SAMD5: variants seen among roughly 807,000 people sequenced by gnomAD.
The protein encoded by SAMD5 is sterile alpha motif domain-containing protein 5.
SAMD5 carries 13 observed loss-of-function variants against 11.3 expected under a neutral mutation model. The ratio of observed to expected loss-of-function variants is 1.15; its 90% CI spans 0.75 to 1.83. SAMD5 has a LOEUF of 1.83. Ranked by LOEUF, SAMD5 falls within the 40% of genes most tolerant of loss-of-function variation. The pLI is 0.00. For missense variants in SAMD5, 255 were observed against 239.1 expected (o/e 1.07, Z -0.44); for synonymous variants, 129 against 111.3 (o/e 1.16, Z -1.00).
intron 1 of SAMD5, among the ~76,000 whole-genome samples, chr6:147,735,270 C>G (rs911949078): frequency 1.4e-4 from 22 of 152,128 alleles, no homozygotes; most frequent in African/African-American, 5.3e-4. Context: ...GTTTTGATTA[C>G]TTGGTATTTA....
chr6:147,595,899 G>A (rs1258505933), intron 1 of SAMD5, among the ~76,000 whole-genome samples: 4 of 152,132 alleles, frequency 2.6e-5, no homozygotes, highest in Non-Finnish European at 4.4e-5. Flanking sequence ...CTGGAAAATA[G>A]TGATAACAGG....
chr6:147,656,282 G>A (rs570275629), intron 1 of SAMD5, among the ~76,000 whole-genome samples: 1 of 152,114 alleles, frequency 6.6e-6, no homozygotes, highest in Non-Finnish European at 1.5e-5. Flanking sequence ...AACACAGAGA[G>A]ACTTTCTACT....
At chr6:147,575,842 C>T (rs950022351) in intron 1 of SAMD5, among the ~76,000 whole-genome samples, 2 of 152,160 alleles carry the variant, frequency 1.3e-5, no homozygotes, top group African/African-American at 4.8e-5. Context: ...CATGGAGCTC[C>T]CTGGCTCATG....
At position 147,603,814 on chromosome 6, in the gene SAMD5, AAAC is replaced by A. The variant is rs1251254813; in HGVS notation, c.162+94430_162+94432del. Among the ~76,000 whole-genome samples the A allele has an allele frequency of 2.0e-5, 3 of 152,142 alleles. No individual in the cohort carries two copies. In the East Asian group the frequency reaches 5.8e-4, roughly 29 times the overall value. On this transcript the variant is annotated intron_variant, in intron 1 of 1. Transcript: ENST00000566741. ...AAAAAAAAACAACAACAACAACAAA[AAAC>A]AAGCTATCTTCCTTACTGGGAGCTG...
intron 1 of SAMD5, among the ~76,000 whole-genome samples, chr6:147,580,719 G>A (rs1360157986): frequency 6.6e-6 from 1 of 152,064 alleles, no homozygotes; most frequent in Non-Finnish European, 1.5e-5. Flanking sequence ...GTCCAATTCT[G>A]TATTCTATTT....
intron 1 of SAMD5, among the ~76,000 whole-genome samples, chr6:147,561,830 CAGA>C (rs1253147601): frequency 6.6e-6 from 1 of 152,080 alleles, no homozygotes; most frequent in Admixed American, 6.6e-5. Context: ...TGTGATCAGC[CAGA>C]AAAGAATGAC....
intron 1 of SAMD5, chr6:147,729,901 A>T (rs977547080): frequency 2.2e-6 from 1 of 447,830 alleles, no homozygotes; most frequent in African/African-American, 2.0e-5. Context: ...CCTGGCCAAC[A>T]TGGTGAAACC....
chr6:147,633,152 T>C (rs756697666), intron 1 of SAMD5, among the ~76,000 whole-genome samples: 3 of 152,322 alleles, frequency 2.0e-5, no homozygotes, highest in East Asian at 1.9e-4. Context: ...ACGTTATTCA[T>C]TGGCAAAGGC....
intron 1 of SAMD5, among the ~76,000 whole-genome samples, chr6:147,713,123 T>G (rs4470862): frequency 0.14 from 21,162 of 152,236 alleles, 3,426 homozygotes; most frequent in African/African-American, 0.39. Context: ...TCATCACTTC[T>G]TAAAGCAATA....
At chr6:147,605,403 C>T (rs1460200369) in intron 1 of SAMD5, among the ~76,000 whole-genome samples, 2 of 152,158 alleles carry the variant, frequency 1.3e-5, no homozygotes, top group Non-Finnish European at 1.5e-5. Flanking sequence ...GTATGAACCT[C>T]CATACCTGGC....
intron 1 of SAMD5, among the ~76,000 whole-genome samples, chr6:147,544,639 G>C (rs1408049946): frequency 6.6e-6 from 1 of 152,152 alleles, no homozygotes; most frequent in Non-Finnish European, 1.5e-5. Context: ...GTTGTAGTCA[G>C]CTCTGATGGG....
chr6:147,822,846 A>G, the SAMD5 span, among the ~76,000 whole-genome samples: 7 of 152,140 alleles, frequency 4.6e-5, no homozygotes, highest in Admixed American at 2.0e-4. Context: ...ACAGAGTCTC[A>G]CTCTGTCAAC....
the SAMD5 span, among the ~76,000 whole-genome samples, chr6:147,934,504 A>G: frequency 2.6e-5 from 4 of 152,118 alleles, no homozygotes; most frequent in Admixed American, 6.5e-5. Context: ...TGAAACGAAA[A>G]TGCATGAAAT....
At chr6:147,725,964 A>G (rs1791620507) in intron 1 of SAMD5, among the ~76,000 whole-genome samples, 1 of 152,230 alleles carries the variant, frequency 6.6e-6, no homozygotes, top group Admixed American at 6.5e-5. Context: ...GGAATATAAA[A>G]TGTTTTCCAC....
At chr6:147,874,156 G>T in the SAMD5 span, among the ~76,000 whole-genome samples, 1 of 152,118 alleles carries the variant, frequency 6.6e-6, no homozygotes, top group African/African-American at 2.4e-5. Flanking sequence ...TTTTCCTAGG[G>T]TGGGGAAACA....
At chr6:147,929,729 C>T in the SAMD5 span, among the ~76,000 whole-genome samples, 1 of 152,110 alleles carries the variant, frequency 6.6e-6, no homozygotes, top group Non-Finnish European at 1.5e-5. Flanking sequence ...TGGATTATCA[C>T]TGTTGATGGG....
the SAMD5 span, among the ~76,000 whole-genome samples, chr6:147,767,189 T>C: frequency 7.9e-5 from 12 of 152,222 alleles, no homozygotes; most frequent in African/African-American, 2.9e-4. Context: ...TATCTTAGGT[T>C]GGGTTCCCTG....
chr6:147,575,233 A>C (rs1213674986), intron 1 of SAMD5, among the ~76,000 whole-genome samples: 5 of 152,232 alleles, frequency 3.3e-5, no homozygotes, highest in African/African-American at 9.6e-5. Flanking sequence ...TCTCTGGCCC[A>C]GGGAGGCATT....
the SAMD5 span, among the ~76,000 whole-genome samples, chr6:147,889,379 T>C: frequency 6.6e-6 from 1 of 152,232 alleles, no homozygotes. Flanking sequence ...ATCTTTCATC[T>C]AGCTTCCTGA....
Sources: gnomAD v4.1 joint callset for allele counts (sites outside exome capture counted in the v4.1 genomes callset) on GRCh38, gnomAD v4.1.1 for gene constraint, MANE v1.5 for transcripts, NCBI Gene and HGNC (gene_info 2026-07-23, HGNC 2026-07-21) for gene names.